Variants in BLTP3B observed in about 807,000 individuals in gnomAD.
BLTP3B encodes the protein UHRF1 (ICBP90) binding protein 1-like.
the BLTP3B span, among the ~76,000 whole-genome samples, chr12:100,132,569 C>T: frequency 1.3e-5 from 2 of 152,216 alleles, no homozygotes; most frequent in Non-Finnish European, 2.9e-5. Flanking sequence ...AGCATAAAAG[C>T]CCTATCTGGA....
At chr12:100,109,057 A>AGGAGCT in the BLTP3B span, among the ~76,000 whole-genome samples, 1 of 151,948 alleles carries the variant, frequency 6.6e-6, no homozygotes, top group Non-Finnish European at 1.5e-5. Context: ...TGTCAGGGGA[A>AGGAGCT]GGAGCTGGTG....
the BLTP3B span, among the ~76,000 whole-genome samples, chr12:100,043,324 A>G: frequency 6.6e-6 from 1 of 152,124 alleles, no homozygotes; most frequent in Non-Finnish European, 1.5e-5. Flanking sequence ...TCATTCCATC[A>G]CCACTTGTGA....
chr12:100,125,387 C>T, the BLTP3B span, among the ~76,000 whole-genome samples: 5 of 148,634 alleles, frequency 3.4e-5, no homozygotes, highest in South Asian at 4.3e-4. Flanking sequence ...TGGTGGCTAA[C>T]GACTACAATC....
At chr12:100,078,468 C>A in the BLTP3B span, among the ~76,000 whole-genome samples, 16 of 152,102 alleles carry the variant, frequency 1.1e-4, no homozygotes, top group Non-Finnish European at 2.2e-4. Context: ...CCTAACACAG[C>A]CCCTGACACC....
At chr12:100,073,363 A>ATT in the BLTP3B span, among the ~76,000 whole-genome samples, 1,541 of 139,806 alleles carry the variant, frequency 0.011, 27 homozygotes, top group African/African-American at 0.035. Flanking sequence ...ACAGACACAG[A>ATT]TTTTTTTTTT....
the BLTP3B span, among the ~76,000 whole-genome samples, chr12:100,111,799 T>C: frequency 6.6e-6 from 1 of 151,912 alleles, no homozygotes; most frequent in African/African-American, 2.4e-5. Flanking sequence ...AGAGACGGGG[T>C]TTCACCATGT....
At chr12:100,126,454 G>GA in the BLTP3B span, among the ~76,000 whole-genome samples, 20 of 142,448 alleles carry the variant, frequency 1.4e-4, no homozygotes, top group South Asian at 4.4e-4. Context: ...AGTGAGAGGA[G>GA]AAAAAAAAAA....
chr12:100,050,263 C>T, the BLTP3B span: 1 of 1,611,008 alleles, frequency 6.2e-7, no homozygotes, highest in Non-Finnish European at 8.5e-7. Flanking sequence ...TGTATCTTCC[C>T]CTCGGATGTC....
chr12:100,071,169 G>GT, the BLTP3B span, among the ~76,000 whole-genome samples: 1 of 151,994 alleles, frequency 6.6e-6, no homozygotes, highest in Non-Finnish European at 1.5e-5. Flanking sequence ...GATGAAAAAG[G>GT]TATCACAGAA....
chr12:100,086,381 G>GGA, the BLTP3B span: 1 of 626,220 alleles, frequency 1.6e-6, no homozygotes. Context: ...AAGGGGGGGG[G>GGA]GGAAATATTA....
At chr12:100,037,778 GA>G in the BLTP3B span, 1 of 1,559,724 alleles carries the variant, frequency 6.4e-7, no homozygotes, top group African/African-American at 1.4e-5. Context: ...ATGGCGGGGG[GA>G]TAAGATAATT....
At chr12:100,095,540 G>T in the BLTP3B span, 1 of 1,004,236 alleles carries the variant, frequency 1.0e-6, no homozygotes, top group South Asian at 1.7e-5. Flanking sequence ...AAGATATCTA[G>T]ATAAAGAAGA....
At chr12:100,084,560 T>C in the BLTP3B span, 1 of 1,614,124 alleles carries the variant, frequency 6.2e-7, no homozygotes, top group Non-Finnish European at 8.5e-7. Flanking sequence ...TGTTTAAGCA[T>C]TTCAACGTTG....
At chr12:100,067,947 G>A in the BLTP3B span, among the ~76,000 whole-genome samples, 1 of 152,092 alleles carries the variant, frequency 6.6e-6, no homozygotes, top group Admixed American at 6.6e-5. Context: ...CAAATTCAAT[G>A]CAATTCCCAT....
the BLTP3B span, among the ~76,000 whole-genome samples, chr12:100,121,928 C>T: frequency 1.3e-5 from 2 of 151,778 alleles, no homozygotes; most frequent in East Asian, 1.9e-4. Context: ...AAGATATATA[C>T]ATACTATATA....
chr12:100,136,587 T>C, the BLTP3B span, among the ~76,000 whole-genome samples: 551 of 148,008 alleles, frequency 3.7e-3, 5 homozygotes, highest in African/African-American at 0.014. Context: ...ACCATAAAAG[T>C]TTATGATACA....
the BLTP3B span, among the ~76,000 whole-genome samples, chr12:100,089,443 C>T: frequency 2.6e-5 from 4 of 152,024 alleles, no homozygotes; most frequent in African/African-American, 9.7e-5. Context: ...GCCTGTAATC[C>T]CAGCTACTTG....
the BLTP3B span, among the ~76,000 whole-genome samples, chr12:100,124,671 A>C: frequency 6.6e-6 from 1 of 151,716 alleles, no homozygotes; most frequent in Non-Finnish European, 1.5e-5. Flanking sequence ...ACTTTAACCC[A>C]GGAGGCAGAG....
chr12:100,104,079 C>A, the BLTP3B span: 1 of 572,450 alleles, frequency 1.7e-6, no homozygotes. Context: ...TTTTCTTAAA[C>A]TACAAAATAA....
Sources: gnomAD v4.1 joint callset for allele counts (sites outside exome capture counted in the v4.1 genomes callset) on GRCh38, gnomAD v4.1.1 for gene constraint, MANE v1.5 for transcripts, NCBI Gene and HGNC (gene_info 2026-07-23, HGNC 2026-07-21) for gene names.